BRINP3: variants seen among roughly 807,000 people sequenced by gnomAD.
The protein encoded by BRINP3 is BMP/retinoic acid inducible neural specific 3.
BRINP3 carries 19 observed loss-of-function variants against 71.0 expected under a neutral mutation model. The ratio of observed to expected loss-of-function variants is 0.27; its 90% CI spans 0.19 to 0.39. The LOEUF (loss-of-function observed/expected upper bound fraction) is 0.39. BRINP3 is among the 10% of genes least tolerant of loss of function. BRINP3 has a pLI of 1.00. For missense variants in BRINP3, 959 were observed against 940.8 expected (o/e 1.02, Z -0.25); for synonymous variants, 380 against 337.7 (o/e 1.13, Z -1.37).
At chr1:190,263,826 G>A (rs188459847) in intron 4 of BRINP3, among the ~76,000 whole-genome samples, 2 of 152,100 alleles carry the variant, frequency 1.3e-5, no homozygotes, top group Admixed American at 6.5e-5. Context: ...GACCTCAAGT[G>A]ATCCCCCCGC....
intron 7 of BRINP3, among the ~76,000 whole-genome samples, chr1:190,137,895 C>G (rs1655107150): frequency 6.6e-6 from 1 of 151,836 alleles, no homozygotes; most frequent in South Asian, 2.1e-4. Flanking sequence ...GTCTTATCTT[C>G]CATTCTACAA....
chr1:190,459,060 AT>A (rs1050126656), intron 1 of BRINP3, among the ~76,000 whole-genome samples: 19 of 151,740 alleles, frequency 1.3e-4, no homozygotes, highest in African/African-American at 4.6e-4. Context: ...TTCATAAAAA[AT>A]AAGTCATAAA....
intron 2 of BRINP3, among the ~76,000 whole-genome samples, chr1:190,331,534 A>G (rs1415939034): frequency 1.3e-5 from 2 of 152,024 alleles, no homozygotes; most frequent in African/African-American, 4.8e-5. Context: ...TCATCCTCAG[A>G]AAGCACATAA....
Position 190,265,058 on chromosome 1 carries a change from G to C in BRINP3, c.428-3C>G. ...AAAAATTGTGAGTGACTCCTCTCCT[G>C]CATTAATAATATTTCAAATTATTCA... On this transcript the variant is annotated splice_region_variant and splice_polypyrimidine_tract_variant and intron_variant, in intron 3 of 7. Coordinates refer to ENST00000367462, the MANE Select transcript of BRINP3 (RefSeq NM_199051.3). The C allele has an allele frequency of 6.3e-7, 1 of 1,581,974 alleles. No individual in the cohort carries two copies. The highest frequency in any genetic ancestry group is 8.5e-7 in the Non-Finnish European group (1 of 1,169,920).
Position 190,332,091 on chromosome 1 carries a change from C to G in BRINP3, c.237-50341G>C, listed in dbSNP as rs115008212. On this transcript the variant is annotated intron_variant, in intron 2 of 7. Coordinates refer to ENST00000367462, the MANE Select transcript of BRINP3 (RefSeq NM_199051.3). ...AAACTTACATCAACCCTATTTTAAG[C>G]TATTTTTTCCAATAATTATATATGC... Among the ~76,000 whole-genome samples the G allele has an allele frequency of 3.2e-3, 486 of 152,132 alleles. 1 individual carries two copies. Among genetic ancestry groups the G allele is most frequent in the African/African-American group, 0.011 (467 of 41,532 alleles).
intron 5 of BRINP3, among the ~76,000 whole-genome samples, chr1:190,230,791 A>G (rs1657899833): frequency 6.6e-6 from 1 of 151,692 alleles, no homozygotes; most frequent in Non-Finnish European, 1.5e-5. Context: ...ACACACACAC[A>G]GGCACACACA....
At chr1:190,131,093 A>G (rs1465478538) in intron 7 of BRINP3, among the ~76,000 whole-genome samples, 1 of 145,752 alleles carries the variant, frequency 6.9e-6, no homozygotes, top group East Asian at 2.1e-4. Context: ...TCAGATAGAT[A>G]TTATTATCCT....
At chr1:190,400,457 T>C (rs1401576533) in intron 2 of BRINP3, among the ~76,000 whole-genome samples, 1 of 152,192 alleles carries the variant, frequency 6.6e-6, no homozygotes, top group Non-Finnish European at 1.5e-5. Context: ...ACAAAATAGT[T>C]ATGATACAAA....
chr1:190,154,558 C>T (rs542804530), intron 7 of BRINP3, among the ~76,000 whole-genome samples: 2 of 152,186 alleles, frequency 1.3e-5, no homozygotes, highest in South Asian at 4.1e-4. Flanking sequence ...TACTACAAAC[C>T]AATTAGTGCC....
At chr1:190,251,736 T>C (rs1392062913) in intron 4 of BRINP3, among the ~76,000 whole-genome samples, 2 of 151,210 alleles carry the variant, frequency 1.3e-5, no homozygotes, top group Non-Finnish European at 2.9e-5. Flanking sequence ...ATGGGAGGAG[T>C]AGAATGCAAA....
chr1:190,426,457 A>G (rs570414735), intron 2 of BRINP3, among the ~76,000 whole-genome samples: 1 of 152,036 alleles, frequency 6.6e-6, no homozygotes, highest in Non-Finnish European at 1.5e-5. Flanking sequence ...GAATGTTTGC[A>G]TTATGCTAAT....
At chr1:190,430,540 C>A (rs1017328779) in intron 2 of BRINP3, among the ~76,000 whole-genome samples, 6 of 152,050 alleles carry the variant, frequency 3.9e-5, no homozygotes, top group Non-Finnish European at 7.4e-5. Flanking sequence ...AGTTCAGAGT[C>A]CCAATTTTGG....
intron 2 of BRINP3, among the ~76,000 whole-genome samples, chr1:190,406,401 C>T (rs1322834321): frequency 6.6e-6 from 1 of 152,172 alleles, no homozygotes; most frequent in Non-Finnish European, 1.5e-5. Context: ...CATTATACTA[C>T]TATTTCTAGA....
At chr1:190,407,782 ATCT>A (rs1415677509) in intron 2 of BRINP3, among the ~76,000 whole-genome samples, 1 of 152,168 alleles carries the variant, frequency 6.6e-6, no homozygotes, top group Admixed American at 6.5e-5. Context: ...TAACAAATTT[ATCT>A]TGGAATATAT....
intron 6 of BRINP3, among the ~76,000 whole-genome samples, chr1:190,220,993 A>C (rs754564743): frequency 3.9e-5 from 6 of 152,136 alleles, no homozygotes; most frequent in Non-Finnish European, 8.8e-5. Flanking sequence ...AGATAGTATA[A>C]AAATCTGTAA....
At chr1:190,197,682 G>C (rs12750315) in intron 6 of BRINP3, among the ~76,000 whole-genome samples, 50 of 152,296 alleles carry the variant, frequency 3.3e-4, no homozygotes, top group Non-Finnish European at 4.9e-4. Flanking sequence ...GGCTCCCATA[G>C]CCTTGGGCAG....
At chr1:190,139,702 G>C (rs2102383429) in intron 7 of BRINP3, among the ~76,000 whole-genome samples, 2 of 152,204 alleles carry the variant, frequency 1.3e-5, no homozygotes, top group South Asian at 4.1e-4. Flanking sequence ...CTTTATTGCT[G>C]AATGATATAC....
At chr1:190,389,328 A>G (rs1369105944) in intron 2 of BRINP3, among the ~76,000 whole-genome samples, 1 of 151,674 alleles carries the variant, frequency 6.6e-6, no homozygotes, top group Non-Finnish European at 1.5e-5. Flanking sequence ...CCTAATTTGG[A>G]TCAAATATCC....
chr1:190,414,129 G>A (rs1398304463), intron 2 of BRINP3, among the ~76,000 whole-genome samples: 1 of 151,650 alleles, frequency 6.6e-6, no homozygotes, highest in Non-Finnish European at 1.5e-5. Context: ...TATTTTTCTG[G>A]TAAAAATCAT....
Sources: gnomAD v4.1 joint callset for allele counts (sites outside exome capture counted in the v4.1 genomes callset) on GRCh38, gnomAD v4.1.1 for gene constraint, MANE v1.5 for transcripts, NCBI Gene and HGNC (gene_info 2026-07-23, HGNC 2026-07-21) for gene names.